Variants in SOX5 observed in about 807,000 individuals in gnomAD.
The protein encoded by SOX5 is transcription factor SOX-5.
Under a neutral mutation model 92.0 loss-of-function variants are expected in SOX5, and 9 were observed. The ratio of observed to expected loss-of-function variants is 0.10; its 90% CI spans 0.06 to 0.17. The LOEUF is 0.17. Ranked by LOEUF, SOX5 falls within the 10% of genes least tolerant of loss-of-function variation. SOX5 has a pLI of 1.00. For synonymous variants in SOX5, 344 were observed against 336.3 expected, an observed-to-expected ratio of 1.02 and a Z score of -0.25; for missense variants, 642 against 944.5, an observed-to-expected ratio of 0.68 and a Z score of 4.20.
At chr12:24,474,384 T>C (rs1945127697) in intron 1 of SOX5, among the ~76,000 whole-genome samples, 1 of 152,192 alleles carries the variant, frequency 6.6e-6, no homozygotes, top group Non-Finnish European at 1.5e-5. Flanking sequence ...CTTCAAATTA[T>C]GTTTGGATAA....
intron 3 of SOX5, among the ~76,000 whole-genome samples, chr12:24,265,802 T>C (rs546032084): frequency 4.6e-5 from 7 of 152,200 alleles, no homozygotes; most frequent in Admixed American, 2.0e-4. Flanking sequence ...ATTTCTTGAA[T>C]ATTTCCTATG....
At chr12:23,759,625 T>C (rs1320175513) in intron 3 of SOX5, among the ~76,000 whole-genome samples, 1 of 152,102 alleles carries the variant, frequency 6.6e-6, no homozygotes. Flanking sequence ...ATTAAATTTC[T>C]CTGAAAATGG....
intron 6 of SOX5, among the ~76,000 whole-genome samples, chr12:23,734,019 G>C (rs1284106569): frequency 6.6e-6 from 1 of 152,182 alleles, no homozygotes; most frequent in Non-Finnish European, 1.5e-5. Context: ...TGTCAGAAGG[G>C]AAACAAAGCT....
At chr12:23,789,352 C>A (rs544323226) in intron 3 of SOX5, among the ~76,000 whole-genome samples, 4 of 152,002 alleles carry the variant, frequency 2.6e-5, no homozygotes, top group Non-Finnish European at 5.9e-5. Flanking sequence ...AAGGAACATG[C>A]GTTTTTTTCC....
At chr12:23,593,777 G>T (rs561433961) in intron 9 of SOX5, among the ~76,000 whole-genome samples, 94 of 152,060 alleles carry the variant, frequency 6.2e-4, no homozygotes, top group African/African-American at 2.1e-3. Context: ...TAAGCAGGTG[G>T]CGTTGCATGT....
intron 2 of SOX5, among the ~76,000 whole-genome samples, chr12:23,865,808 C>T (rs918380838): frequency 3.3e-5 from 5 of 152,232 alleles, no homozygotes; most frequent in South Asian, 2.1e-4. Context: ...TAAGAACATT[C>T]GTGATGCAAG....
At chr12:23,616,275 T>C (rs1020205127) in intron 8 of SOX5, among the ~76,000 whole-genome samples, 3 of 152,190 alleles carry the variant, frequency 2.0e-5, no homozygotes, top group African/African-American at 7.2e-5. Context: ...GGGTAGAGAA[T>C]AGATGGAAAG....
chr12:23,579,371 G>C (rs982414325), intron 9 of SOX5, among the ~76,000 whole-genome samples: 1 of 151,922 alleles, frequency 6.6e-6, no homozygotes, highest in South Asian at 2.1e-4. Context: ...CCAGGCTAAT[G>C]GTATATTAAT....
At chr12:24,544,220 C>G (rs1390258607) in intron 1 of SOX5, among the ~76,000 whole-genome samples, 1 of 151,986 alleles carries the variant, frequency 6.6e-6, no homozygotes, top group African/African-American at 2.4e-5. Context: ...CAAGATGACT[C>G]TAGGATAATT....
At position 24,215,746 on chromosome 12, in the gene SOX5, G is replaced by A. The variant is rs989399544; in HGVS notation, c.-76-2329C>T. 3.3e-5 allele frequency among the ~76,000 whole-genome samples: 5 copies of A among 151,042 alleles called. No individual in the cohort carries two copies. The East Asian group carries it at 5.8e-4, about 18-fold the overall frequency. On this transcript the variant is annotated intron_variant, in intron 3 of 4. Transcript: ENST00000446891. Reference sequence around the variant, plus strand: ...GCTTTTTTACAGAAACTGTCAAGCTGATCCTAAAATTCATATGGACATACA... The same window carrying A: ...GCTTTTTTACAGAAACTGTCAAGCTAATCCTAAAATTCATATGGACATACA...
intron 3 of SOX5, among the ~76,000 whole-genome samples, chr12:23,781,405 G>T (rs564759993): frequency 2.3e-4 from 35 of 151,900 alleles, no homozygotes; most frequent in African/African-American, 8.4e-4. Flanking sequence ...TGAAAATAAA[G>T]AAAACATGCA....
chr12:24,268,173 T>C (rs779283677), intron 3 of SOX5, among the ~76,000 whole-genome samples: 5 of 152,232 alleles, frequency 3.3e-5, no homozygotes, highest in Non-Finnish European at 7.3e-5. Flanking sequence ...CAGTGAATTA[T>C]ATGTACATAC....
chr12:23,851,450 T>C (rs2096632890), intron 2 of SOX5, among the ~76,000 whole-genome samples: 1 of 152,098 alleles, frequency 6.6e-6, no homozygotes, highest in African/African-American at 2.4e-5. Flanking sequence ...AAAAACTCGA[T>C]AGAAAACACT....
chr12:24,476,555 T>G (rs1161894299), intron 1 of SOX5, among the ~76,000 whole-genome samples: 4 of 152,156 alleles, frequency 2.6e-5, no homozygotes, highest in South Asian at 2.1e-4. Context: ...TGAACTGTAG[T>G]GAACCTATGT....
At chr12:24,169,992 C>T (rs1021617420) in intron 4 of SOX5, among the ~76,000 whole-genome samples, 1 of 151,846 alleles carries the variant, frequency 6.6e-6, no homozygotes, top group African/African-American at 2.4e-5. Context: ...AAAGCAATAA[C>T]GGAAGCTAAT....
chr12:23,841,916 A>T (rs1326507678), intron 3 of SOX5, among the ~76,000 whole-genome samples: 1 of 152,140 alleles, frequency 6.6e-6, no homozygotes, highest in Non-Finnish European at 1.5e-5. Context: ...GTACATTTCT[A>T]TGCATTTGCA....
chr12:24,434,494 A>G (rs895398474), intron 1 of SOX5, among the ~76,000 whole-genome samples: 2 of 152,082 alleles, frequency 1.3e-5, no homozygotes, highest in African/African-American at 4.8e-5. Context: ...CTGTACTCCT[A>G]AAGTTTTAGT....
At chr12:24,287,513 C>G (rs1196427151) in intron 2 of SOX5, among the ~76,000 whole-genome samples, 1 of 151,698 alleles carries the variant, frequency 6.6e-6, no homozygotes, top group African/African-American at 2.4e-5. Context: ...GGCTACTCAG[C>G]CCATGGCAAC....
At chr12:24,114,573 CAAAAAAAA>C (rs55913110) in intron 4 of SOX5, among the ~76,000 whole-genome samples, 13 of 40,596 alleles carry the variant, frequency 3.2e-4, no homozygotes, top group African/African-American at 5.7e-4. Flanking sequence ...CACCCCGTCA[CAAAAAAAA>C]AAAAAAAAAA....
Sources: gnomAD v4.1 joint callset for allele counts (sites outside exome capture counted in the v4.1 genomes callset) on GRCh38, gnomAD v4.1.1 for gene constraint, MANE v1.5 for transcripts, NCBI Gene and HGNC (gene_info 2026-07-23, HGNC 2026-07-21) for gene names.